The following ZNF827 variants were observed in gnomAD, a reference collection of about 807,000 sequenced individuals.
ZNF827 encodes zinc finger protein 827.
In ZNF827, 13 loss-of-function variants were observed where a neutral mutation model predicts 102.4. That is an observed-to-expected ratio of 0.13 (90% CI 0.08 to 0.20). The LOEUF is 0.20. Ranked by LOEUF, ZNF827 falls within the 10% of genes least tolerant of loss-of-function variation. The pLI is 1.00. For missense variants in ZNF827, 1,103 were observed against 1,344.4 expected (o/e 0.82, Z 2.81); for synonymous variants, 523 against 536.2 (o/e 0.98, Z 0.34).
intron 7 of ZNF827, among the ~76,000 whole-genome samples, chr4:145,825,747 T>C (rs899752731): frequency 6.6e-6 from 1 of 152,164 alleles, no homozygotes; most frequent in African/African-American, 2.4e-5. Flanking sequence ...TTCCTGCTGA[T>C]GTGAGGAGTG....
At chr4:145,871,791 C>T (rs1343990416) in intron 4 of ZNF827, among the ~76,000 whole-genome samples, 1 of 152,176 alleles carries the variant, frequency 6.6e-6, no homozygotes, top group Non-Finnish European at 1.5e-5. Flanking sequence ...AATATGCATT[C>T]TGGAATCACA....
intron 4 of ZNF827, among the ~76,000 whole-genome samples, chr4:145,883,238 A>G (rs973140900): frequency 2.0e-5 from 3 of 152,220 alleles, no homozygotes; most frequent in African/African-American, 7.2e-5. Flanking sequence ...TTGCTAGGTA[A>G]CAGTGCATAC....
intron 1 of ZNF827, among the ~76,000 whole-genome samples, chr4:145,913,425 C>CAAAAAAAA (rs775706430): frequency 2.7e-5 from 2 of 73,346 alleles, no homozygotes; most frequent in Non-Finnish European, 5.3e-5. Context: ...GACCCTGTCT[C>CAAAAAAAA]AAAAAAAAAA....
chr4:145,854,711 A>T (rs773554987), intron 5 of ZNF827, among the ~76,000 whole-genome samples: 12 of 152,138 alleles, frequency 7.9e-5, no homozygotes, highest in Non-Finnish European at 1.8e-4. Context: ...ATCTTTTGTT[A>T]TGTGCTCTTT....
Position 145,761,465 on chromosome 4 carries a change from T to C in ZNF827, c.*151A>G. 7.8e-7 allele frequency: 1 copy of C among 1,289,704 alleles called. No homozygotes were observed. The allele number at this position is 1,289,704 out of a possible 1,614,324, so 79.9% of individuals were successfully genotyped here. On this transcript the variant is annotated 3_prime_UTR_variant, in exon 15 of 15. Transcript: ENST00000508784. This position sits in a 1 kb window ranked among gnomAD's most constrained non-coding sequence, Gnocchi z 6.8. ...TGGTTGCCCAGGCGGTGCTCCCGGG[T>C]GTGCGTCTCCAGCTCCAGCTGGTTG...
At chr4:145,846,322 CA>C (rs1745933326) in intron 6 of ZNF827, among the ~76,000 whole-genome samples, 1 of 151,786 alleles carries the variant, frequency 6.6e-6, no homozygotes, top group Non-Finnish European at 1.5e-5. Context: ...ACTAAAAATA[CA>C]AAAAATTAGC....
intron 7 of ZNF827, among the ~76,000 whole-genome samples, chr4:145,824,796 G>A (rs1166932446): frequency 2.6e-5 from 4 of 152,186 alleles, no homozygotes; most frequent in Middle Eastern, 3.2e-3. Flanking sequence ...CAGGACTAGC[G>A]CTGCTTTGCT....
At chr4:145,789,943 C>G (rs956448374) in intron 8 of ZNF827, among the ~76,000 whole-genome samples, 1 of 152,200 alleles carries the variant, frequency 6.6e-6, no homozygotes, top group Non-Finnish European at 1.5e-5. Flanking sequence ...CCTCTTTGGC[C>G]TCTTCTTTAC....
intron 1 of ZNF827, among the ~76,000 whole-genome samples, chr4:145,905,712 C>A (rs1751804720): frequency 6.6e-6 from 1 of 152,150 alleles, no homozygotes; most frequent in South Asian, 2.1e-4. Flanking sequence ...AACCACCTTT[C>A]TTGATTTCAG....
chr4:145,816,517 A>G (rs185976981), intron 8 of ZNF827, among the ~76,000 whole-genome samples: 2 of 152,352 alleles, frequency 1.3e-5, no homozygotes, highest in African/African-American at 4.8e-5. Context: ...AGAAGAGCTA[A>G]CTCAGACACA....
chr4:145,841,281 G>C (rs538652755), intron 7 of ZNF827, among the ~76,000 whole-genome samples: 1 of 152,128 alleles, frequency 6.6e-6, no homozygotes, highest in South Asian at 2.1e-4. Flanking sequence ...TTCCTATCTC[G>C]ATCTTATCCA....
chr4:145,769,713 G>A (rs959693284), intron 11 of ZNF827, among the ~76,000 whole-genome samples: 1 of 152,234 alleles, frequency 6.6e-6, no homozygotes, highest in South Asian at 2.1e-4. Context: ...GACCCAAGTG[G>A]TCATTTACCT....
intron 11 of ZNF827, among the ~76,000 whole-genome samples, chr4:145,767,123 G>A (rs907398676): frequency 1.3e-5 from 2 of 152,196 alleles, no homozygotes; most frequent in Non-Finnish European, 2.9e-5. Context: ...AACAGACACA[G>A]TTGTTAGACT....
At chr4:145,927,220 C>T (rs181979614) in intron 1 of ZNF827, among the ~76,000 whole-genome samples, 11 of 152,244 alleles carry the variant, frequency 7.2e-5, no homozygotes, top group East Asian at 1.9e-4. Context: ...TAGGCCATTA[C>T]GCAAAGGCAG....
chr4:145,909,615 T>C (rs1752123413), intron 1 of ZNF827, among the ~76,000 whole-genome samples: 1 of 152,186 alleles, frequency 6.6e-6, no homozygotes, highest in Non-Finnish European at 1.5e-5. Context: ...ATGGGCTCAA[T>C]GTGGGTCACA....
chr4:145,936,263 T>C (rs1003511631), intron 1 of ZNF827, among the ~76,000 whole-genome samples: 2 of 151,926 alleles, frequency 1.3e-5, no homozygotes. Context: ...GAGTTTTCTG[T>C]GAATCGCAGC....
In ZNF827 at chr4:145,763,081, G is replaced by C; in HGVS notation, c.*17+9C>G. On this transcript the variant is annotated intron_variant, in intron 14 of 14. Transcript: ENST00000508784. This position sits in a 1 kb window ranked among gnomAD's most constrained non-coding sequence, Gnocchi z 4.6. ...GCACACACAACCCCTACGCCAAGCT[G>C]GGCCTTACCTAGAGGAGTCTGAAAC... is the stretch of plus-strand genomic sequence containing the variant. The C allele has an allele frequency of 6.5e-7, 1 of 1,535,774 alleles. No homozygotes were observed. Among genetic ancestry groups the C allele is most frequent in the Non-Finnish European group, 8.7e-7 (1 of 1,146,700 alleles).
chr4:145,868,687 T>C (rs1371694684), intron 5 of ZNF827, among the ~76,000 whole-genome samples: 2 of 152,242 alleles, frequency 1.3e-5, no homozygotes, highest in South Asian at 2.1e-4. Flanking sequence ...ACATCACTCT[T>C]GAAATCTCAT....
chr4:145,836,021 T>C (rs1167579501), intron 7 of ZNF827, among the ~76,000 whole-genome samples: 5 of 151,488 alleles, frequency 3.3e-5, no homozygotes, highest in African/African-American at 1.2e-4. Flanking sequence ...TACTATTCCT[T>C]TGCACCCTTC....
Sources: allele counts gnomAD v4.1 joint callset (sites outside exome capture counted in the v4.1 genomes callset), GRCh38; gene constraint gnomAD v4.1.1; non-coding constraint Gnocchi (gnomAD v3.1); transcripts MANE v1.5; gene names NCBI Gene and HGNC (gene_info 2026-07-23, HGNC 2026-07-21).